USP36: variants seen among roughly 807,000 people sequenced by gnomAD.
USP36 encodes ubiquitin specific peptidase 36, also known as ubiquitin carboxyl-terminal hydrolase 36.
A neutral mutation model predicts 111.5 loss-of-function variants in USP36; 59 were observed. That is an observed-to-expected ratio of 0.53 (90% CI 0.43 to 0.66). USP36 has a LOEUF of 0.66. USP36 is among the 30% of genes least tolerant of loss of function. The pLI is 0.00. For missense variants in USP36, 1,488 were observed against 1,468.0 expected (o/e 1.01, Z -0.22); for synonymous variants, 628 against 581.0 (o/e 1.08, Z -1.16).
Position 78,798,492 on chromosome 17 carries a change from T to C in USP36, c.3300A>G (p.Lys1100=). 1.2e-6 allele frequency: 2 copies of C among 1,614,142 alleles called. No homozygotes were observed. The highest frequency in any genetic ancestry group is 1.7e-6 in the Non-Finnish European group (2 of 1,180,036). ...ACCAGAAGTTCCGTCGAGTCTGAAG[T>C]TTCTGGAAGGCGTTGAAGTTTCTCC... ...EKRRNFNAFQ[K]LQTRRNFWSV... is the part of the protein sequence containing the mutation. Residue 1100 remains lysine, a synonymous_variant, in exon 20 of 21, where the codon AAA becomes AAG. Transcript: ENST00000449938. The surrounding 1 kb of genome is among the most constrained non-coding windows in gnomAD (Gnocchi z 5.1).
Position 78,803,622 on chromosome 17 carries a change from C to T in USP36, c.2573G>A (p.Ser858Asn), listed in dbSNP as rs751342755. The change falls in exon 16 of 21, where the codon AGC becomes AAC. Residue 858 changes from serine (S) to asparagine (N), a missense_variant. Physicochemically the swap from Ser to Asn is conservative, Grantham distance 46. Transcript: ENST00000449938. The surrounding 1 kb of genome is among the most constrained non-coding windows in gnomAD (Gnocchi z 4.6). ...CTGTGTCTGCCCCTCCTGCAGGGCGCTGGCAGCTGTGTCCTCCGGGCGCTT... is the reference window on the plus strand; with the variant it reads ...CTGTGTCTGCCCCTCCTGCAGGGCGTTGGCAGCTGTGTCCTCCGGGCGCTT... Reference protein sequence around the residue: ...KKKRPEDTAASALQEGQTQRQ... With the variant: ...KKKRPEDTAANALQEGQTQRQ... 1.2e-6 allele frequency: 2 copies of T among 1,611,834 alleles called. No homozygotes were observed. The highest frequency in any genetic ancestry group is 1.7e-6 in the Non-Finnish European group (2 of 1,179,274).
At chr17:78,835,926 C>A in intron 3 of USP36, 185 bp downstream of exon 3, 2 of 862,914 alleles carry the variant, frequency 2.3e-6, no homozygotes, top group Non-Finnish European at 1.7e-6. Context: ...ACCAAGCACA[C>A]AGATTTCCTT....
At chr17:78,827,517 C>T (rs2067672504) in intron 5 of USP36, among the ~76,000 whole-genome samples, 170 bp from the exon 6 acceptor site, 1 of 152,190 alleles carries the variant, frequency 6.6e-6, no homozygotes, top group Admixed American at 6.5e-5. Context: ...ATATCCCAAT[C>T]ACAATTCATC....
At chr17:78,816,581 G>C (rs1271759525) in intron 10 of USP36, among the ~76,000 whole-genome samples, 1 of 151,704 alleles carries the variant, frequency 6.6e-6, no homozygotes, top group Non-Finnish European at 1.5e-5. Context: ...AGCTGAGATG[G>C]TGCCACTGCA....
At chr17:78,831,406 A>G (rs2145584951) in intron 4 of USP36, among the ~76,000 whole-genome samples, 1 of 152,042 alleles carries the variant, frequency 6.6e-6, no homozygotes, top group Admixed American at 6.6e-5. Flanking sequence ...TGAGGTCAAG[A>G]GTTCAAGACC....
chr17:78,836,947 T>G (rs2068747095), intron 2 of USP36, among the ~76,000 whole-genome samples: 1 of 152,168 alleles, frequency 6.6e-6, no homozygotes, highest in Non-Finnish European at 1.5e-5. Context: ...ACTGAGCATG[T>G]GAAATGAGGC....
chr17:78,835,585 T>C (rs751661704), intron 3 of USP36, 84 bp from the exon 4 acceptor site: 2 of 1,313,664 alleles, frequency 1.5e-6, no homozygotes, highest in Non-Finnish European at 2.1e-6. Flanking sequence ...TCCTGAAGCA[T>C]ACACTTAGCA....
intron 11 of USP36, 92 bp downstream of exon 11, chr17:78,814,320 A>G: frequency 6.6e-7 from 1 of 1,512,662 alleles, no homozygotes. Flanking sequence ...CACACTTTTC[A>G]CAAAGTAAGT....
rs149270390 is a variant in USP36 at position 78,830,744 on chromosome 17, T to C, written c.476-1737A>G. 2.9e-3 allele frequency among the ~76,000 whole-genome samples: 449 copies of C among 152,290 alleles called. 3 individuals are homozygous for C. Among genetic ancestry groups the C allele is most frequent in the African/African-American group, 0.01 (426 of 41,552 alleles). On this transcript the variant is annotated intron_variant, in intron 4 of 20. Coordinates refer to ENST00000449938, the MANE Select transcript of USP36 (RefSeq NM_001385174.1). ...TAGCAAATAGACATTAAAATGCTAT[T>C]ATTTACACAAAATTCTTCTTGAAGA... is the stretch of plus-strand genomic sequence containing the variant.
chr17:78,822,833 A>C (rs2094362332), intron 6 of USP36, among the ~76,000 whole-genome samples: 1 of 152,180 alleles, frequency 6.6e-6, no homozygotes, highest in Non-Finnish European at 1.5e-5. Flanking sequence ...TAAGGCCTCC[A>C]GGCATGAGGC....
At chr17:78,831,225 C>CAAAAAAAAAAAA (rs33980218) in intron 4 of USP36, among the ~76,000 whole-genome samples, 1 of 13,540 alleles carries the variant, frequency 7.4e-5, no homozygotes, top group African/African-American at 3.4e-4. Context: ...AACTCCATCT[C>CAAAAAAAAAAAA]AAAAAAAAAA....
At position 78,795,908 on chromosome 17, in the gene USP36, A is replaced by G. The variant is rs1350834082; in HGVS notation, c.*1992T>C. 2.0e-5 allele frequency: 3 copies of G among 152,272 alleles called. No individual in the cohort carries two copies. The highest frequency in any genetic ancestry group is 7.2e-5 in the African/African-American group (3 of 41,466). The allele number at this position is 152,272 out of a possible 1,614,324, so 9.4% of individuals were successfully genotyped here. A position where few individuals can be genotyped will look rare whatever the true frequency, so the allele number is the denominator to read the frequency against. ...ATCCTAAGTCAACCAAGTGACTGCT[A>G]TGACAAAGGCTTGGGTTATTGACAT... On this transcript the variant is annotated 3_prime_UTR_variant, in exon 21 of 21. Coordinates refer to ENST00000449938, the MANE Select transcript of USP36 (RefSeq NM_001385174.1). This position sits in a 1 kb window ranked among gnomAD's most constrained non-coding sequence, Gnocchi z 4.5.
intron 17 of USP36, among the ~76,000 whole-genome samples, chr17:78,801,436 A>G (rs890664567): frequency 5.9e-5 from 9 of 152,224 alleles, no homozygotes; most frequent in Admixed American, 5.9e-4. Flanking sequence ...GCTGACCCCC[A>G]GATGCACTGC....
chr17:78,803,866 A>C lies in USP36; in HGVS notation c.2329T>G (p.Cys777Gly), dbSNP rs768580370. 1.3e-6 allele frequency: 2 copies of C among 1,595,014 alleles called. No individual in the cohort carries two copies. The highest frequency in any genetic ancestry group is 1.7e-6 in the Non-Finnish European group (2 of 1,174,032). Residue 777 changes from cysteine to glycine, a missense_variant, in exon 16 of 21, where the codon TGC becomes GGC. Transcript: ENST00000449938. The surrounding 1 kb of genome is among the most constrained non-coding windows in gnomAD (Gnocchi z 4.6). The part of the protein sequence containing the change: ...KPPGTSEPRS[C>G]SSISTALPQV... Reference sequence around the variant, plus strand: ...GGCAGCGCCGTCGAGATGGAGGAGCAGCTCCGTGGTTCTGACGTCCCTGGG... The same window carrying C: ...GGCAGCGCCGTCGAGATGGAGGAGCCGCTCCGTGGTTCTGACGTCCCTGGG...
In USP36 at chr17:78,814,555, G is replaced by T. The variant is rs1467937234; in HGVS notation, c.1024-3C>A. On this transcript the variant is annotated splice_region_variant and splice_polypyrimidine_tract_variant and intron_variant, in intron 10 of 20. Transcript: ENST00000449938. The stretch of plus-strand genomic sequence containing the variant: ...AGGAATTCCGGATAGCCTACATCCT[G>T]TTTGAAAAATCAAGGAAAAGACAAA... 1.2e-6 allele frequency: 2 copies of T among 1,607,720 alleles called. No homozygotes were observed. Among genetic ancestry groups the T allele is most frequent in the Admixed American group, 1.7e-5 (1 of 58,142 alleles).
chr17:78,804,495 CAAAAAA>C (rs10590690), intron 15 of USP36, among the ~76,000 whole-genome samples: 4 of 136,296 alleles, frequency 2.9e-5, no homozygotes, highest in Admixed American at 7.5e-5. Flanking sequence ...AAAACAAAAA[CAAAAAA>C]AAAAAAACAA....
chr17:78,792,388 C>A (rs1199708664), downstream of USP36, among the ~76,000 whole-genome samples: 1 of 152,114 alleles, frequency 6.6e-6, no homozygotes, highest in Non-Finnish European at 1.5e-5. Flanking sequence ...GCACCTCGTC[C>A]AGCATCTCCA....
intron 20 of USP36, 67 bp from the exon 21 acceptor site, chr17:78,797,946 C>T (rs1008548432): frequency 6.2e-6 from 1 of 160,060 alleles, no homozygotes; most frequent in Non-Finnish European, 1.4e-5. Flanking sequence ...CTGCCACCCT[C>T]GGGTATGAGT....
Position 78,836,360 on chromosome 17 carries a change from G to C in USP36, c.4C>G (p.Pro2Ala). 1 of 1,613,936 alleles carries C rather than the reference G, an allele frequency of 6.2e-7. No individual in the cohort carries two copies. Among genetic ancestry groups the C allele is most frequent in the Non-Finnish European group, 8.5e-7 (1 of 1,179,970 alleles). The change falls in exon 3 of 21, where the codon CCA (proline) becomes GCA (alanine). Residue 2 changes from proline (P) to alanine (A), a missense_variant. Transcript: ENST00000449938. ...GCCTCCTTCAACTTATCCACTATTG[G>C]CATGGTGCATCACTGTGGGGACAAG... The part of the protein sequence containing the change: M[P>A]IVDKLKEALK...
Sources: allele counts gnomAD v4.1 joint callset (sites outside exome capture counted in the v4.1 genomes callset), GRCh38; gene constraint gnomAD v4.1.1; non-coding constraint Gnocchi (gnomAD v3.1); transcripts MANE v1.5; gene names NCBI Gene and HGNC (gene_info 2026-07-23, HGNC 2026-07-21).